KALRN: variants seen among roughly 807,000 people sequenced by gnomAD.
KALRN encodes the protein kalirin RhoGEF kinase, also known as kalirin.
In KALRN, 70 loss-of-function variants were observed where a neutral mutation model predicts 353.7. That is an observed-to-expected ratio of 0.20 (90% CI 0.16 to 0.24). KALRN has a LOEUF of 0.24. Ranked by LOEUF, KALRN falls within the 10% of genes least tolerant of loss-of-function variation. The pLI is 1.00. For missense variants in KALRN, 2,791 were observed against 3,756.7 expected (o/e 0.74, Z 6.72); for synonymous variants, 1,391 against 1,434.8 (o/e 0.97, Z 0.69).
At chr3:124,416,194 T>C (rs2092485001) in intron 14 of KALRN, among the ~76,000 whole-genome samples, 1 of 152,196 alleles carries the variant, frequency 6.6e-6, no homozygotes, top group Non-Finnish European at 1.5e-5. Context: ...AAAGGAGGCT[T>C]GTCTGCCTGG....
intron 33 of KALRN, among the ~76,000 whole-genome samples, chr3:124,561,902 A>G (rs1425030624): frequency 2.0e-5 from 3 of 152,192 alleles, no homozygotes; most frequent in Non-Finnish European, 4.4e-5. Context: ...ATGGATTCTC[A>G]TGGAAATATG....
chr3:124,209,003 A>T (rs2076670646), intron 1 of KALRN, among the ~76,000 whole-genome samples: 1 of 152,090 alleles, frequency 6.6e-6, no homozygotes, highest in Non-Finnish European at 1.5e-5. Context: ...CATCATCATC[A>T]TAACCAATAG....
At chr3:124,325,457 T>A (rs1460432159) in intron 6 of KALRN, among the ~76,000 whole-genome samples, 1 of 152,184 alleles carries the variant, frequency 6.6e-6, no homozygotes, top group Non-Finnish European at 1.5e-5. Context: ...TGGGGACATC[T>A]TTGCTAGGTG....
chr3:124,453,470 ATC>A (rs749824495), intron 21 of KALRN, among the ~76,000 whole-genome samples: 44,003 of 151,784 alleles, frequency 0.29, 6,688 homozygotes, highest in South Asian at 0.35. Flanking sequence ...GGGAGGGTTG[ATC>A]TCTCATGGGA....
At chr3:124,280,533 T>C (rs1046985522) in intron 5 of KALRN, among the ~76,000 whole-genome samples, 4 of 152,192 alleles carry the variant, frequency 2.6e-5, no homozygotes, top group African/African-American at 9.7e-5. Context: ...TTAATGCAGC[T>C]TTCCTGGGAC....
intron 1 of KALRN, among the ~76,000 whole-genome samples, chr3:124,205,753 C>T (rs1579365351): frequency 6.6e-6 from 1 of 152,138 alleles, no homozygotes; most frequent in Non-Finnish European, 1.5e-5. Context: ...TCATATCGCT[C>T]TCTAAAATTT....
At chr3:124,269,292 G>A (rs374371464) in intron 5 of KALRN, 37 bp downstream of exon 5, 2 of 1,540,918 alleles carry the variant, frequency 1.3e-6, no homozygotes, top group South Asian at 1.2e-5. Flanking sequence ...GCCGGGATGG[G>A]GGTGAGGGAG....
chr3:124,413,748 C>T, intron 14 of KALRN, 83 bp downstream of exon 14: 2 of 1,048,370 alleles, frequency 1.9e-6, no homozygotes, highest in Non-Finnish European at 2.8e-6. Context: ...AGTGCCACAT[C>T]GTTTATTCAT....
rs9841322 is a variant in KALRN at position 124,395,221 on chromosome 3, G to A, written c.2049G>A (p.Lys683=). ...DSVDAVQELI[K]QFQQQQTATL... ...TGGATGCAGTCCAGGAACTGATCAA[G>A]CAGTTCCAGCAGCAGCAGACCGCCA... Residue 683 remains lysine, a synonymous_variant, in exon 12 of 60, where the codon AAG becomes AAA. Coordinates refer to ENST00000682506, the MANE Select transcript of KALRN (RefSeq NM_001388419.1). The A allele has an allele frequency of 0.15, 237,996 of 1,612,574 alleles. 19,023 individuals are homozygous for A. The highest frequency in any genetic ancestry group is 0.17 in the Non-Finnish European group (195,150 of 1,179,532).
At chr3:124,110,478 C>CACAG (rs1320383358) in intron 1 of KALRN, among the ~76,000 whole-genome samples, 10 of 151,388 alleles carry the variant, frequency 6.6e-5, no homozygotes, top group Non-Finnish European at 1.3e-4. Context: ...CGCACACACA[C>CACAG]ACACACACAC....
At chr3:124,317,180 G>T (rs1040308072) in intron 6 of KALRN, among the ~76,000 whole-genome samples, 1 of 152,106 alleles carries the variant, frequency 6.6e-6, no homozygotes, top group Non-Finnish European at 1.5e-5. Flanking sequence ...TTTTTCTCTC[G>T]GCTGTGATTT....
chr3:124,358,367 G>C (rs768222933), intron 10 of KALRN, among the ~76,000 whole-genome samples: 6 of 152,258 alleles, frequency 3.9e-5, no homozygotes, highest in Middle Eastern at 3.4e-3. Context: ...CACTCCGTTA[G>C]CTGAAATGGA....
chr3:124,388,657 A>C (rs913553525), intron 11 of KALRN, among the ~76,000 whole-genome samples: 2 of 152,180 alleles, frequency 1.3e-5, no homozygotes, highest in South Asian at 2.1e-4. Flanking sequence ...CAGTTCTTTG[A>C]CTTGAGCTCT....
intron 1 of KALRN, chr3:124,096,289 A>G (rs1235299773): frequency 6.6e-6 from 1 of 152,214 alleles, no homozygotes; most frequent in Admixed American, 6.5e-5. Flanking sequence ...GCTAAGTGAG[A>G]AACTACAAGT....
intron 1 of KALRN, among the ~76,000 whole-genome samples, chr3:124,110,463 ACG>A (rs374765325): frequency 0.25 from 13,926 of 55,980 alleles, 1,577 homozygotes; most frequent in South Asian, 0.3. Context: ...ATATATACAC[ACG>A]CGCGCACACA....
intron 30 of KALRN, 84 bp downstream of exon 30, chr3:124,490,968 A>G: frequency 8.0e-7 from 1 of 1,255,306 alleles, no homozygotes; most frequent in Non-Finnish European, 1.1e-6. Context: ...CACTCATCTC[A>G]TCTCCTCCCC....
chr3:124,427,872 G>C (rs2093094216), intron 15 of KALRN, among the ~76,000 whole-genome samples: 2 of 152,190 alleles, frequency 1.3e-5, no homozygotes, highest in African/African-American at 4.8e-5. Flanking sequence ...TGCCTAGAAT[G>C]ATTGATCAAT....
intron 1 of KALRN, among the ~76,000 whole-genome samples, chr3:124,065,806 G>A (rs1337837613): frequency 6.6e-6 from 1 of 152,136 alleles, no homozygotes; most frequent in African/African-American, 2.4e-5. Context: ...CACATGGAAT[G>A]CTTAGATCAG....
At chr3:124,584,900 TGTAGAGGTGAGTGGCTGTCGGCGGCCTTG>T (rs767737810) in intron 34 of KALRN, 6 of 1,602,388 alleles carry the variant, frequency 3.7e-6, no homozygotes, top group Non-Finnish European at 5.1e-6. Flanking sequence ...TTGCTTCCCG[TGTAGAGGTGAGTGGCTGTCGGCGGCCTTG>T]GTGCCTTCTG....
Sources: allele counts gnomAD v4.1 joint callset (sites outside exome capture counted in the v4.1 genomes callset), GRCh38; gene constraint gnomAD v4.1.1; transcripts MANE v1.5; gene names NCBI Gene and HGNC (gene_info 2026-07-23, HGNC 2026-07-21).